The following TRPC1 variants were observed in gnomAD, a reference collection of about 807,000 sequenced individuals.
TRPC1 encodes the protein short transient receptor potential channel 1.
TRPC1 carries 42 observed loss-of-function variants against 88.2 expected under a neutral mutation model. The ratio of observed to expected loss-of-function variants is 0.48; its 90% CI spans 0.37 to 0.62. TRPC1 has a LOEUF of 0.62. Among genes scored for constraint, TRPC1 ranks in the 20% least tolerant of loss-of-function variants. The pLI is 0.00. For synonymous variants in TRPC1, 288 were observed against 331.8 expected (o/e 0.87, Z 1.43); for missense variants, 699 against 957.3 (o/e 0.73, Z 3.56).
At chr3:142,753,230 C>G (rs564251157) in intron 4 of TRPC1, among the ~76,000 whole-genome samples, 1 of 152,230 alleles carries the variant, frequency 6.6e-6, no homozygotes. Flanking sequence ...GGAGCTATGA[C>G]TTGACATAGA....
intron 4 of TRPC1, among the ~76,000 whole-genome samples, chr3:142,759,192 G>A (rs1020067445): frequency 3.9e-5 from 6 of 152,158 alleles, no homozygotes; most frequent in African/African-American, 1.4e-4. Flanking sequence ...TATATACCCA[G>A]TAATGGGATG....
At chr3:142,742,217 G>T (rs919841352) in intron 2 of TRPC1, among the ~76,000 whole-genome samples, 1 of 151,874 alleles carries the variant, frequency 6.6e-6, no homozygotes, top group African/African-American at 2.4e-5. Context: ...AATGGATATA[G>T]CATTCTTTTT....
intron 4 of TRPC1, among the ~76,000 whole-genome samples, chr3:142,759,811 G>GT (rs1935116775): frequency 6.6e-6 from 1 of 152,074 alleles, no homozygotes. Context: ...GGTTTTTATG[G>GT]TTTTAGGTCT....
chr3:142,734,685 C>T (rs946338120), intron 1 of TRPC1, among the ~76,000 whole-genome samples: 13 of 152,080 alleles, frequency 8.5e-5, no homozygotes, highest in Non-Finnish European at 1.6e-4. Flanking sequence ...TGCCTATAAT[C>T]CCAGCACTTT....
At chr3:142,790,774 G>A (rs1936271185) in intron 7 of TRPC1, among the ~76,000 whole-genome samples, 1 of 151,866 alleles carries the variant, frequency 6.6e-6, no homozygotes, top group South Asian at 2.1e-4. Context: ...AATTTATTTG[G>A]TTTCTTACGT....
At chr3:142,784,133 T>A (rs1436924408) in intron 6 of TRPC1, among the ~76,000 whole-genome samples, 10 of 152,170 alleles carry the variant, frequency 6.6e-5, no homozygotes, top group Admixed American at 6.6e-4. Context: ...TTATTGTTTT[T>A]GCTATCTTGA....
At chr3:142,762,164 T>C (rs981512051) in intron 4 of TRPC1, among the ~76,000 whole-genome samples, 2 of 151,996 alleles carry the variant, frequency 1.3e-5, no homozygotes, top group African/African-American at 4.8e-5. Flanking sequence ...GCCCTTCAAG[T>C]AGCTGGGACT....
chr3:142,787,631 C>T (rs1338815616), intron 7 of TRPC1, among the ~76,000 whole-genome samples: 1 of 152,114 alleles, frequency 6.6e-6, no homozygotes, highest in Non-Finnish European at 1.5e-5. Context: ...TGTCTAAGCA[C>T]AGGCAAAAGC....
chr3:142,729,130 C>CA (rs1933797959), intron 1 of TRPC1, among the ~76,000 whole-genome samples: 1 of 152,194 alleles, frequency 6.6e-6, no homozygotes, highest in African/African-American at 2.4e-5. Context: ...GATACTTTAA[C>CA]AACAGCAACG....
intron 1 of TRPC1, among the ~76,000 whole-genome samples, chr3:142,734,713 G>A (rs1934055092): frequency 6.6e-6 from 1 of 152,096 alleles, no homozygotes; most frequent in Non-Finnish European, 1.5e-5. Context: ...CGAGGCGAGA[G>A]GATTGCTTGA....
intron 2 of TRPC1, among the ~76,000 whole-genome samples, chr3:142,742,644 T>C (rs931237592): frequency 2.0e-5 from 3 of 152,240 alleles, no homozygotes; most frequent in Non-Finnish European, 2.9e-5. Context: ...AGTTAAAATG[T>C]ACAGATTGAA....
intron 4 of TRPC1, among the ~76,000 whole-genome samples, chr3:142,749,170 T>C (rs907505288): frequency 1.3e-5 from 2 of 152,210 alleles, no homozygotes; most frequent in African/African-American, 4.8e-5. Flanking sequence ...TCTTATCGCC[T>C]ACTGATGTCA....
At chr3:142,780,425 GATA>G (rs971052726) in intron 5 of TRPC1, among the ~76,000 whole-genome samples, 53 of 152,260 alleles carry the variant, frequency 3.5e-4, no homozygotes, top group East Asian at 3.9e-4. Context: ...AAAATTTTAT[GATA>G]ATGATTGGAT....
intron 4 of TRPC1, among the ~76,000 whole-genome samples, chr3:142,762,413 T>G (rs1410577972): frequency 6.6e-6 from 1 of 150,660 alleles, no homozygotes; most frequent in Non-Finnish European, 1.5e-5. Flanking sequence ...TAATTTTCGG[T>G]TTGGTTTATT....
At chr3:142,802,449 A>G (rs1936651925) in intron 10 of TRPC1, 105 bp downstream of exon 10, 1 of 807,318 alleles carries the variant, frequency 1.2e-6, no homozygotes, top group Admixed American at 4.2e-5. Flanking sequence ...ATTTTAAGAA[A>G]TTCCTTAGTA....
At chr3:142,760,409 T>A (rs1257551704) in intron 4 of TRPC1, among the ~76,000 whole-genome samples, 3 of 152,118 alleles carry the variant, frequency 2.0e-5, no homozygotes, top group Non-Finnish European at 4.4e-5. Flanking sequence ...TGGACTTATA[T>A]GTGGGTCTGT....
chr3:142,738,712 T>C (rs758144661), intron 2 of TRPC1, among the ~76,000 whole-genome samples: 6 of 152,324 alleles, frequency 3.9e-5, no homozygotes, highest in Non-Finnish European at 5.9e-5. Flanking sequence ...GTGCTGCTAT[T>C]GAGAAACCCT....
chr3:142,789,597 C>T (rs1259771312), intron 7 of TRPC1, among the ~76,000 whole-genome samples: 1 of 152,098 alleles, frequency 6.6e-6, no homozygotes, highest in Non-Finnish European at 1.5e-5. Context: ...TCTGATTGGC[C>T]TAATTTGATC....
At chr3:142,741,832 G>GT (rs537613936) in intron 2 of TRPC1, among the ~76,000 whole-genome samples, 40 of 152,274 alleles carry the variant, frequency 2.6e-4, no homozygotes, top group Middle Eastern at 6.8e-3. Context: ...GACTTTGAAA[G>GT]TAATGACATT....
Sources: gnomAD v4.1 joint callset for allele counts (sites outside exome capture counted in the v4.1 genomes callset) on GRCh38, gnomAD v4.1.1 for gene constraint, MANE v1.5 for transcripts, NCBI Gene and HGNC (gene_info 2026-07-23, HGNC 2026-07-21) for gene names.